The following YTHDC1 variants were observed in gnomAD, a reference collection of about 807,000 sequenced individuals.
The protein encoded by YTHDC1 is YTH N6-methyladenosine RNA binding protein C1.
In YTHDC1, 12 loss-of-function variants were observed where a neutral mutation model predicts 107.0. The ratio of observed to expected loss-of-function variants is 0.11; its 90% CI spans 0.07 to 0.18. YTHDC1 has a LOEUF of 0.18. Ranked by LOEUF, YTHDC1 falls within the 10% of genes least tolerant of loss-of-function variation. YTHDC1 has a pLI of 1.00. For synonymous variants in YTHDC1, 280 were observed against 289.5 expected, an observed-to-expected ratio of 0.97 and a Z score of 0.33; for missense variants, 635 against 898.8, an observed-to-expected ratio of 0.71 and a Z score of 3.75.
At chr4:68,316,204 G>T in intron 16 of YTHDC1, 110 bp downstream of exon 16, 2 of 1,240,062 alleles carry the variant, frequency 1.6e-6, no homozygotes, top group African/African-American at 1.5e-5. Flanking sequence ...ACAGTCTGCA[G>T]TAAGAATATG....
chr4:68,334,366 T>TCC (rs1225601886), intron 4 of YTHDC1, among the ~76,000 whole-genome samples: 4 of 152,126 alleles, frequency 2.6e-5, no homozygotes, highest in African/African-American at 4.8e-5. Context: ...ACTACTTATC[T>TCC]CCTTTAATTC....
chr4:68,321,577 T>C (rs750404953), intron 11 of YTHDC1, among the ~76,000 whole-genome samples: 45 of 152,292 alleles, frequency 3.0e-4, no homozygotes, highest in Non-Finnish European at 4.1e-4. Context: ...CTTGTATATA[T>C]TGTATTGCAC....
chr4:68,346,839 T>C (rs569577094), intron 1 of YTHDC1, among the ~76,000 whole-genome samples: 1 of 152,294 alleles, frequency 6.6e-6, no homozygotes, highest in African/African-American at 2.4e-5. Context: ...TTAAACTTCA[T>C]CATAGGTATA....
chr4:68,331,895 C>T (rs1229956822), intron 7 of YTHDC1, among the ~76,000 whole-genome samples: 2 of 149,092 alleles, frequency 1.3e-5, no homozygotes, highest in Admixed American at 1.3e-4. Flanking sequence ...TATTCTGACC[C>T]CTAAAATCAT....
rs1325746198 is a variant in YTHDC1 at position 68,337,149 on chromosome 4, T to G, written c.761A>C (p.Glu254Ala). 6.2e-7 allele frequency: 1 copy of G among 1,613,978 alleles called. No homozygotes were observed. The highest frequency in any genetic ancestry group is 2.2e-5 in the East Asian group (1 of 44,862). ...ATTTCCCTCCTCTTTCTGGTCTCTC[T>G]CATCCTGTTCATATTCTTCTTCTTC... Reference protein sequence around the residue: ...EEEEEEYEQDERDQKEEGNDY... With the variant: ...EEEEEEYEQDARDQKEEGNDY... Residue 254 changes from glutamate (E) to alanine (A), a missense_variant, in exon 4 of 17, where the codon GAG becomes GCG. Physicochemically the swap from Glu to Ala is moderately radical, Grantham distance 107 (BLOSUM62 -1). Transcript: ENST00000344157.
chr4:68,335,325 A>G (rs910086609), intron 4 of YTHDC1, among the ~76,000 whole-genome samples: 3 of 152,190 alleles, frequency 2.0e-5, no homozygotes, highest in African/African-American at 7.2e-5. Context: ...TATAGTACCT[A>G]AAGCATGTTC....
intron 4 of YTHDC1, 114 bp downstream of exon 4, chr4:68,336,913 G>A: frequency 1.5e-6 from 2 of 1,347,534 alleles, no homozygotes; most frequent in Non-Finnish European, 2.0e-6. Flanking sequence ...AGGATCACAA[G>A]ACAATCCTAT....
Position 68,322,904 on chromosome 4 carries a change from A to T in YTHDC1, c.1446T>A (p.Leu482=), listed in dbSNP as rs1302250874. 6.2e-7 allele frequency: 1 copy of T among 1,613,678 alleles called. No individual in the cohort carries two copies. The highest frequency in any genetic ancestry group is 1.7e-5 in the Admixed American group (1 of 60,002). ...GAAGACAAAGCTGGGTTCCACATTCAAGTTCAATTTCCTAGAATAGGAAAG... is the reference window on the plus strand; with the variant it reads ...GAAGACAAAGCTGGGTTCCACATTCTAGTTCAATTTCCTAGAATAGGAAAG... ...KIGRDGQEIE[L]ECGTQLCLLF... is the part of the protein sequence containing the mutation. Residue 482 remains leucine, a synonymous_variant, in exon 11 of 17, where the codon CTT becomes CTA. Transcript: ENST00000344157. The surrounding 1 kb of genome is among the most constrained non-coding windows in gnomAD (Gnocchi z 4.8).
rs370438562 is a variant in YTHDC1, at chr4:68,349,300, G to T, written c.28+426C>A. The stretch of plus-strand genomic sequence containing the variant: ...CCTGCCAGTGCCACTTCCTAAACTT[G>T]CTCACTTACCACACCACCAGTGTTG... On this transcript the variant is annotated intron_variant, in intron 1 of 16. Coordinates refer to ENST00000344157, the MANE Select transcript of YTHDC1 (RefSeq NM_001031732.4). Among the ~76,000 whole-genome samples the T allele has an allele frequency of 3.9e-5, 6 of 152,278 alleles. No individual in the cohort carries two copies. In the South Asian group the frequency reaches 1.2e-3, roughly 32 times the overall value.
chr4:68,322,425 C>G lies in YTHDC1; in HGVS notation c.1601+324G>C, dbSNP rs559566330. ...AAATAAAGACTTCCTCCTCTTCCTCCTTTCTAGCCTGTTCTTAGCAACAAA... is the reference window on the plus strand; with the variant it reads ...AAATAAAGACTTCCTCCTCTTCCTCGTTTCTAGCCTGTTCTTAGCAACAAA... On this transcript the variant is annotated intron_variant, in intron 11 of 16. Transcript: ENST00000344157. This position sits in a 1 kb window ranked among gnomAD's most constrained non-coding sequence, Gnocchi z 4.8. The G allele has an allele frequency of 4.3e-5, 11 of 255,814 alleles. No homozygotes were observed. The East Asian group carries it at 6.8e-4, about 16-fold the overall frequency. The allele number at this position is 255,814 out of a possible 1,614,324, so 15.8% of individuals were successfully genotyped here.
In YTHDC1 at chr4:68,337,630, C is replaced by T; in HGVS notation, c.401G>A (p.Cys134Tyr). Residue 134 changes from cysteine to tyrosine, a missense_variant, in exon 3 of 17, where the codon TGT becomes TAT. Physicochemically the swap from Cys to Tyr is radical, Grantham distance 194. Around this residue, in one of 5 missense-constraint regions of YTHDC1, gnomAD observed 294 missense variants for 312.3 expected, o/e 0.94. Transcript: ENST00000344157. ...CCTTTCAGGATCCCTTTTCCGGACACAGGTTTTTTCAGGTTGATTCTTATA... is the reference window on the plus strand; with the variant it reads ...CCTTTCAGGATCCCTTTTCCGGACATAGGTTTTTTCAGGTTGATTCTTATA... ...EPYKNQPEKT[C>Y]VRKRDPERRA... 6.2e-7 allele frequency: 1 copy of T among 1,613,244 alleles called. No individual in the cohort carries two copies. Among genetic ancestry groups the T allele is most frequent in the South Asian group, 1.1e-5 (1 of 90,884 alleles).
At position 68,312,447 on chromosome 4, in the gene YTHDC1, G is replaced by T. The variant is rs754382338; in HGVS notation, c.*1652C>A. On this transcript the variant is annotated 3_prime_UTR_variant, in exon 17 of 17. Transcript: ENST00000344157. ...TGAATACACAAAATGCCAATGAAGT[G>T]ACTTACCATGTATCACTAACCGGTT... 1.3e-5 allele frequency: 2 copies of T among 152,152 alleles called. No individual in the cohort carries two copies. The highest frequency in any genetic ancestry group is 2.9e-5 in the Non-Finnish European group (2 of 68,020). 9.4% of individuals were successfully genotyped at this position (152,152 alleles called of 1,614,324 possible).
chr4:68,322,180 T>C lies in YTHDC1; in HGVS notation c.1601+569A>G, dbSNP rs1007946465. ...TCACTGGGTACATGTTAGAGAATAT[T>C]TGGCAATAGGGTTAACACATCACGG... On this transcript the variant is annotated intron_variant, in intron 11 of 16. Transcript: ENST00000344157. This position sits in a 1 kb window ranked among gnomAD's most constrained non-coding sequence, Gnocchi z 4.8. Among the ~76,000 whole-genome samples, 12 of 152,168 alleles carry C rather than the reference T, an allele frequency of 7.9e-5. No individual in the cohort carries two copies. The highest frequency in any genetic ancestry group is 1.9e-4 in the African/African-American group (8 of 41,432).
At chr4:68,331,804 T>C (rs913900051) in intron 7 of YTHDC1, among the ~76,000 whole-genome samples, 6 of 151,902 alleles carry the variant, frequency 3.9e-5, no homozygotes, top group African/African-American at 1.4e-4. Context: ...AATGAGCCAC[T>C]GAGGAAGTAC....
chr4:68,322,197 A>G lies in YTHDC1; in HGVS notation c.1601+552T>C, dbSNP rs532727948. 3.9e-5 allele frequency among the ~76,000 whole-genome samples: 6 copies of G among 152,340 alleles called. No homozygotes were observed. The highest frequency in any genetic ancestry group is 1.4e-4 in the African/African-American group (6 of 41,578). On this transcript the variant is annotated intron_variant, in intron 11 of 16. Coordinates refer to ENST00000344157, the MANE Select transcript of YTHDC1 (RefSeq NM_001031732.4). The surrounding 1 kb of genome is among the most constrained non-coding windows in gnomAD (Gnocchi z 4.8). ...GAGAATATTTGGCAATAGGGTTAAC[A>G]CATCACGGTGATAAAATCTGAAACA...
chr4:68,319,594 C>G (rs1201783998), intron 12 of YTHDC1, among the ~76,000 whole-genome samples: 1 of 152,148 alleles, frequency 6.6e-6, no homozygotes, highest in East Asian at 1.9e-4. Flanking sequence ...ATCACTGACT[C>G]TCTTCAAATA....
At chr4:68,332,284 C>A in intron 6 of YTHDC1, 87 bp from the exon 7 acceptor site, 4 of 770,250 alleles carry the variant, frequency 5.2e-6, no homozygotes, top group Non-Finnish European at 6.0e-6. Flanking sequence ...ATTAGCCCTC[C>A]ACAACCCAGC....
In YTHDC1 at chr4:68,320,146, G is replaced by A; in HGVS notation, c.1661C>T (p.Pro554Leu). The change falls in exon 12 of 17, where the codon CCC becomes CTC. Residue 554 changes from proline (P) to leucine (L), a missense_variant. Physicochemically the swap from Pro to Leu is moderately conservative, Grantham distance 98. Coordinates refer to ENST00000344157, the MANE Select transcript of YTHDC1 (RefSeq NM_001031732.4). Reference sequence around the variant, plus strand: ...ACCTGGTCTCTGGTGAAACTCAGGGGGATAGTCAATCCTTGGTTTCTTTCT... The same window carrying A: ...ACCTGGTCTCTGGTGAAACTCAGGGAGATAGTCAATCCTTGGTTTCTTTCT... ...NSRKKPRIDY[P>L]PEFHQRPGYL... The A allele has an allele frequency of 1.2e-6, 2 of 1,608,740 alleles. No individual in the cohort carries two copies. Among genetic ancestry groups the A allele is most frequent in the African/African-American group, 1.3e-5 (1 of 74,658 alleles).
chr4:68,334,436 A>T (rs552014954), intron 4 of YTHDC1, among the ~76,000 whole-genome samples: 11 of 151,174 alleles, frequency 7.3e-5, no homozygotes, highest in Non-Finnish European at 5.9e-5. Context: ...TTAGACAGGC[A>T]GTTAGGCAAC....
Sources: gnomAD v4.1 joint callset for allele counts (sites outside exome capture counted in the v4.1 genomes callset) on GRCh38, gnomAD v4.1.1 for gene constraint, gnomAD v4.1.1 regional missense constraint, Gnocchi (gnomAD v3.1) non-coding constraint, MANE v1.5 for transcripts, NCBI Gene and HGNC (gene_info 2026-07-23, HGNC 2026-07-21) for gene names.